FAM171A1: variants seen among roughly 807,000 people sequenced by gnomAD.
FAM171A1 encodes protein FAM171A1.
FAM171A1 carries 23 observed loss-of-function variants against 74.9 expected under a neutral mutation model. The ratio of observed to expected loss-of-function variants is 0.31; its 90% CI spans 0.22 to 0.44. The LOEUF (loss-of-function observed/expected upper bound fraction) is 0.44, where lower values mean the gene tolerates loss of function less well. Among genes scored for constraint, FAM171A1 ranks in the 20% least tolerant of loss-of-function variants. The pLI is 1.00. For missense variants in FAM171A1, 1,162 were observed against 1,159.2 expected (o/e 1.00, Z -0.03); for synonymous variants, 527 against 505.7 (o/e 1.04, Z -0.57).
intron 1 of FAM171A1, among the ~76,000 whole-genome samples, chr10:15,324,161 T>C (rs894145049): frequency 2.6e-5 from 4 of 152,152 alleles, no homozygotes; most frequent in African/African-American, 7.2e-5. Context: ...AAATTAACAT[T>C]CAGAATGCCT....
intron 2 of FAM171A1, among the ~76,000 whole-genome samples, chr10:15,281,561 T>G (rs1239773066): frequency 1.3e-5 from 2 of 152,178 alleles, no homozygotes; most frequent in Non-Finnish European, 2.9e-5. Context: ...CTTGACTCAT[T>G]TGTAATAGTA....
At chr10:15,306,082 T>C (rs560503748) in intron 1 of FAM171A1, among the ~76,000 whole-genome samples, 4 of 152,310 alleles carry the variant, frequency 2.6e-5, no homozygotes, top group African/African-American at 9.6e-5. Context: ...ACATGATAAA[T>C]GTATCACGGG....
At chr10:15,278,581 G>A (rs1834924820) in intron 2 of FAM171A1, among the ~76,000 whole-genome samples, 1 of 152,200 alleles carries the variant, frequency 6.6e-6, no homozygotes, top group Admixed American at 6.5e-5. Flanking sequence ...GAAAGGGAAG[G>A]TGCTACTGAC....
intron 1 of FAM171A1, among the ~76,000 whole-genome samples, chr10:15,307,813 C>CA (rs562994996): frequency 5.5e-4 from 78 of 142,588 alleles, no homozygotes; most frequent in Non-Finnish European, 1.1e-3. Flanking sequence ...GAATTAATGC[C>CA]TTTTTTTTTT....
At position 15,371,236 on chromosome 10, in the gene FAM171A1, G is replaced by C. The variant is rs1261874486; in HGVS notation, c.-184C>G. 7.6e-6 allele frequency among the ~76,000 whole-genome samples: 1 copy of C among 130,808 alleles called. No homozygotes were observed. Among genetic ancestry groups the C allele is most frequent in the Admixed American group, 7.7e-5 (1 of 13,022 alleles). 85.8% of individuals were successfully genotyped at this position (130,808 alleles called of 152,430 possible). On this transcript the variant is annotated 5_prime_UTR_variant, in exon 1 of 8. Transcript: ENST00000378116. ...CCCGCGCCCCGCGCCGGGTTTCCCCGAAGAGCCGCGGCGGCGGCGGCGGCG... is the reference window on the plus strand; with the variant it reads ...CCCGCGCCCCGCGCCGGGTTTCCCCCAAGAGCCGCGGCGGCGGCGGCGGCG...
chr10:15,337,175 C>A (rs1398229320), intron 1 of FAM171A1, among the ~76,000 whole-genome samples: 1 of 152,116 alleles, frequency 6.6e-6, no homozygotes, highest in Non-Finnish European at 1.5e-5. Flanking sequence ...GCCACCGAAC[C>A]TGGCTGCTAT....
chr10:15,240,231 C>A (rs1402191430), intron 5 of FAM171A1, among the ~76,000 whole-genome samples: 2 of 152,036 alleles, frequency 1.3e-5, no homozygotes. Context: ...TGTGGTGGCA[C>A]ACACCTGTAG....
chr10:15,329,790 G>A (rs1448180523), intron 1 of FAM171A1, among the ~76,000 whole-genome samples: 1 of 152,096 alleles, frequency 6.6e-6, no homozygotes, highest in Non-Finnish European at 1.5e-5. Flanking sequence ...TACCATTTGA[G>A]AACTAAGTAG....
At chr10:15,358,726 G>C (rs1835960548) in intron 1 of FAM171A1, among the ~76,000 whole-genome samples, 1 of 152,160 alleles carries the variant, frequency 6.6e-6, no homozygotes, top group Non-Finnish European at 1.5e-5. Flanking sequence ...GATGCTCAAG[G>C]TTGCTTTTCA....
At chr10:15,222,892 C>T (rs909708901) in intron 5 of FAM171A1, among the ~76,000 whole-genome samples, 1 of 152,234 alleles carries the variant, frequency 6.6e-6, no homozygotes, top group African/African-American at 2.4e-5. Flanking sequence ...GTTTGGGCTC[C>T]AGAAAGAGCA....
At chr10:15,251,968 T>G (rs909223569) in intron 4 of FAM171A1, among the ~76,000 whole-genome samples, 1 of 152,160 alleles carries the variant, frequency 6.6e-6, no homozygotes, top group Non-Finnish European at 1.5e-5. Context: ...GCCATCTACC[T>G]GGTCACTCGT....
At chr10:15,272,220 CAAAA>C (rs1011996765) in intron 3 of FAM171A1, among the ~76,000 whole-genome samples, 1 of 151,396 alleles carries the variant, frequency 6.6e-6, no homozygotes, top group African/African-American at 2.4e-5. Flanking sequence ...AACAAACAAA[CAAAA>C]AAAGCAGGGG....
intron 1 of FAM171A1, among the ~76,000 whole-genome samples, chr10:15,351,388 C>A (rs532598844): frequency 6.6e-6 from 1 of 152,192 alleles, no homozygotes; most frequent in East Asian, 1.9e-4. Context: ...GCTGCAGCAG[C>A]CAAATGACTT....
At chr10:15,224,320 C>T (rs527755613) in intron 5 of FAM171A1, among the ~76,000 whole-genome samples, 33 of 152,068 alleles carry the variant, frequency 2.2e-4, no homozygotes, top group Non-Finnish European at 4.6e-4. Flanking sequence ...ACAGAGGCCC[C>T]GGGTGAACAG....
chr10:15,235,242 C>T (rs1335634007), intron 5 of FAM171A1, among the ~76,000 whole-genome samples: 1 of 130,022 alleles, frequency 7.7e-6, no homozygotes, highest in African/African-American at 3.0e-5. Flanking sequence ...GCAGAGGTTG[C>T]AGTGGGCCGA....
chr10:15,229,061 T>C (rs891727513), intron 5 of FAM171A1, among the ~76,000 whole-genome samples: 2 of 152,192 alleles, frequency 1.3e-5, no homozygotes, highest in Non-Finnish European at 2.9e-5. Context: ...CGGAAAGAAA[T>C]GCCACAGCCA....
chr10:15,286,770 G>A (rs1201852201), intron 1 of FAM171A1, among the ~76,000 whole-genome samples: 1 of 152,106 alleles, frequency 6.6e-6, no homozygotes, highest in Non-Finnish European at 1.5e-5. Context: ...TTTTCCACAT[G>A]CTGATTTAAT....
intron 1 of FAM171A1, among the ~76,000 whole-genome samples, chr10:15,342,349 C>T (rs1318644694): frequency 1.3e-5 from 2 of 152,176 alleles, no homozygotes; most frequent in Admixed American, 6.5e-5. Context: ...GCAGGCAGAT[C>T]GCTTGCAGTC....
intron 5 of FAM171A1, among the ~76,000 whole-genome samples, chr10:15,236,284 C>CAAA (rs1588504566): frequency 1.4e-5 from 1 of 71,026 alleles, no homozygotes; most frequent in Non-Finnish European, 2.8e-5. Flanking sequence ...TATCATGCTT[C>CAAA]CAAAAAAAAA....
Sources: allele counts gnomAD v4.1 joint callset (sites outside exome capture counted in the v4.1 genomes callset), GRCh38; gene constraint gnomAD v4.1.1; transcripts MANE v1.5; gene names NCBI Gene and HGNC (gene_info 2026-07-23, HGNC 2026-07-21).